Variants in LSAMP observed in about 807,000 individuals in gnomAD.
LSAMP encodes limbic system-associated membrane protein.
A neutral mutation model predicts 38.6 loss-of-function variants in LSAMP; 7 were observed. The ratio of observed to expected loss-of-function variants is 0.18; its 90% CI spans 0.10 to 0.34. LSAMP has a LOEUF of 0.34. Among genes scored for constraint, LSAMP ranks in the 10% least tolerant of loss-of-function variants. LSAMP has a pLI of 1.00. For synonymous variants in LSAMP, 154 were observed against 166.8 expected (o/e 0.92, Z 0.59); for missense variants, 313 against 420.0 (o/e 0.75, Z 2.23).
At chr3:116,441,742 G>A (rs1425716740) in intron 1 of LSAMP, among the ~76,000 whole-genome samples, 1 of 152,062 alleles carries the variant, frequency 6.6e-6, no homozygotes, top group Non-Finnish European at 1.5e-5. Flanking sequence ...AAGCACCTGA[G>A]GCAGCTTCAT....
intron 3 of LSAMP, among the ~76,000 whole-genome samples, chr3:115,966,181 C>T (rs1485660119): frequency 6.6e-6 from 1 of 152,148 alleles, no homozygotes; most frequent in Admixed American, 6.5e-5. Context: ...CTCCTGTTGC[C>T]AGCCAAAATG....
At chr3:116,198,977 A>C (rs1474465433) in intron 1 of LSAMP, among the ~76,000 whole-genome samples, 1 of 151,872 alleles carries the variant, frequency 6.6e-6, no homozygotes, top group African/African-American at 2.4e-5. Context: ...CTACCTACTC[A>C]GGAGGCTATG....
intron 1 of LSAMP, among the ~76,000 whole-genome samples, chr3:116,090,471 A>G (rs978205400): frequency 6.6e-6 from 1 of 152,154 alleles, no homozygotes; most frequent in Non-Finnish European, 1.5e-5. Flanking sequence ...AGGCTTGTGG[A>G]GTAAATGAGA....
intron 1 of LSAMP, among the ~76,000 whole-genome samples, chr3:116,346,174 A>G (rs752127601): frequency 5.3e-5 from 8 of 152,142 alleles, no homozygotes; most frequent in Non-Finnish European, 1.0e-4. Context: ...GCAAATAACC[A>G]TATCTCCATT....
chr3:116,027,885 C>T (rs1026595001), intron 2 of LSAMP, among the ~76,000 whole-genome samples: 6 of 152,076 alleles, frequency 3.9e-5, no homozygotes, highest in Non-Finnish European at 8.8e-5. Context: ...ATTCAAAGTG[C>T]CATTTCTAAT....
chr3:115,860,437 T>C (rs995368499), intron 3 of LSAMP, among the ~76,000 whole-genome samples: 3 of 152,228 alleles, frequency 2.0e-5, no homozygotes, highest in South Asian at 2.1e-4. Flanking sequence ...GAATCTGCTT[T>C]ATTTCTTTCT....
intron 2 of LSAMP, among the ~76,000 whole-genome samples, chr3:116,071,367 G>A (rs553025238): frequency 1.3e-5 from 2 of 149,486 alleles, no homozygotes; most frequent in African/African-American, 4.9e-5. Flanking sequence ...TTCTTGAGCT[G>A]TTCTTCAGGT....
intron 1 of LSAMP, among the ~76,000 whole-genome samples, chr3:116,127,237 T>C (rs542037088): frequency 1.4e-4 from 22 of 152,332 alleles, no homozygotes; most frequent in African/African-American, 4.3e-4. Context: ...AAAAGTTTGG[T>C]TTATATTCTC....
intron 3 of LSAMP, among the ~76,000 whole-genome samples, chr3:115,872,022 T>C (rs773140904): frequency 6.6e-6 from 1 of 152,174 alleles, no homozygotes; most frequent in Non-Finnish European, 1.5e-5. Context: ...AAAATATTCA[T>C]GTCTAGTTGT....
intron 1 of LSAMP, among the ~76,000 whole-genome samples, chr3:116,175,183 T>G (rs1710307112): frequency 6.6e-6 from 1 of 152,134 alleles, no homozygotes; most frequent in African/African-American, 2.4e-5. Context: ...TCAAAATATT[T>G]TTTTAGACTA....
In LSAMP at chr3:115,990,062, A is replaced by G. The variant is rs78706781; in HGVS notation, c.514+29453T>C. On this transcript the variant is annotated intron_variant, in intron 3 of 6. Coordinates refer to ENST00000490035, the MANE Select transcript of LSAMP (RefSeq NM_002338.5). ...TGAACTGAGTGTGTTGAGATGACAT[A>G]CAAAAGAGATATGAGTAAAGATCAG... 7.6e-3 allele frequency among the ~76,000 whole-genome samples: 1,157 copies of G among 152,178 alleles called. 50 individuals are homozygous for G. The highest frequency in any genetic ancestry group is 0.069 in the Admixed American group (1,048 of 15,254).
At chr3:116,357,267 C>A (rs941175192) in intron 1 of LSAMP, among the ~76,000 whole-genome samples, 2 of 152,134 alleles carry the variant, frequency 1.3e-5, no homozygotes, top group East Asian at 3.8e-4. Flanking sequence ...CCAGAATTCA[C>A]TCATTTAATT....
chr3:116,025,468 C>T (rs568961853), intron 2 of LSAMP, among the ~76,000 whole-genome samples: 96 of 152,062 alleles, frequency 6.3e-4, no homozygotes, highest in Admixed American at 2.7e-3. Context: ...ATCTATTGAT[C>T]GCTCTTTTGT....
chr3:115,909,122 G>A (rs930753357), intron 3 of LSAMP, among the ~76,000 whole-genome samples: 1 of 152,092 alleles, frequency 6.6e-6, no homozygotes, highest in Admixed American at 6.5e-5. Context: ...TCTGTCTAGG[G>A]CTGGGAATTG....
At chr3:116,010,066 G>A (rs534573102) in intron 3 of LSAMP, among the ~76,000 whole-genome samples, 10 of 152,064 alleles carry the variant, frequency 6.6e-5, no homozygotes, top group East Asian at 3.9e-4. Context: ...ATGGGCACAC[G>A]CCACCACACC....
intron 2 of LSAMP, among the ~76,000 whole-genome samples, chr3:116,066,084 C>A (rs924319729): frequency 5.3e-5 from 8 of 152,086 alleles, no homozygotes; most frequent in Non-Finnish European, 8.8e-5. Flanking sequence ...ATTCTGGAGA[C>A]CGAGAAGTCA....
At chr3:115,826,657 T>C (rs1453747779) in intron 6 of LSAMP, among the ~76,000 whole-genome samples, 1 of 152,198 alleles carries the variant, frequency 6.6e-6, no homozygotes, top group African/African-American at 2.4e-5. Context: ...ACTAAGATAT[T>C]TCTTTGAGTA....
intron 3 of LSAMP, among the ~76,000 whole-genome samples, chr3:116,011,531 C>A (rs893663094): frequency 6.6e-6 from 1 of 151,176 alleles, no homozygotes. Flanking sequence ...GTAGTTTGAA[C>A]TTTATTCCAA....
At chr3:115,875,729 C>G (rs1313488569) in intron 3 of LSAMP, among the ~76,000 whole-genome samples, 1 of 151,828 alleles carries the variant, frequency 6.6e-6, no homozygotes, top group Non-Finnish European at 1.5e-5. Context: ...GGTTCTTGAG[C>G]CCAATACCAA....
Sources: gnomAD v4.1 joint callset for allele counts (sites outside exome capture counted in the v4.1 genomes callset) on GRCh38, gnomAD v4.1.1 for gene constraint, MANE v1.5 for transcripts, NCBI Gene and HGNC (gene_info 2026-07-23, HGNC 2026-07-21) for gene names.